Variants in WWOX observed in about 807,000 individuals in gnomAD.
WWOX encodes the protein WW domain containing oxidoreductase, also known as WW domain-containing oxidoreductase.
In WWOX, 69 loss-of-function variants were observed where a neutral mutation model predicts 46.2. The ratio of observed to expected loss-of-function variants is 1.49; its 90% CI spans 1.23 to 1.82. The LOEUF (loss-of-function observed/expected upper bound fraction) is 1.82, where lower values mean the gene tolerates loss of function less well. Ranked by LOEUF, WWOX falls within the 40% of genes most tolerant of loss-of-function variation. The probability of loss-of-function intolerance (pLI) is 0.00; values close to 1 mark genes in which losing one functional copy is unlikely to be tolerated. For missense variants in WWOX, 919 were observed against 542.6 expected, an observed-to-expected ratio of 1.69 and a Z score of -6.89; for synonymous variants, 359 against 202.6, an observed-to-expected ratio of 1.77 and a Z score of -6.56.
intron 8 of WWOX, chr16:78,895,711 A>G (rs1401016446): frequency 6.6e-6 from 1 of 152,224 alleles, no homozygotes; most frequent in African/African-American, 2.4e-5. Context: ...CAAAAAGTTC[A>G]TTGGTCAAAT....
chr16:79,069,727 C>T (rs1459492732), intron 8 of WWOX, among the ~76,000 whole-genome samples: 4 of 151,994 alleles, frequency 2.6e-5, no homozygotes, highest in African/African-American at 9.7e-5. Flanking sequence ...GTGTGGTCAC[C>T]ATAGATGGCC....
At chr16:78,622,235 C>T (rs1021999454) in intron 8 of WWOX, among the ~76,000 whole-genome samples, 2 of 152,126 alleles carry the variant, frequency 1.3e-5, no homozygotes, top group Non-Finnish European at 2.9e-5. Context: ...AATTCTGACC[C>T]TACTCTGATA....
chr16:78,757,507 C>G (rs2049684405), intron 8 of WWOX, among the ~76,000 whole-genome samples: 2 of 152,106 alleles, frequency 1.3e-5, no homozygotes, highest in African/African-American at 4.8e-5. Context: ...CTTGTTGAGA[C>G]AGCTAAATTT....
chr16:78,986,519 T>TA (rs1267596331), intron 8 of WWOX, among the ~76,000 whole-genome samples: 2 of 152,210 alleles, frequency 1.3e-5, no homozygotes, highest in African/African-American at 2.4e-5. Context: ...GGATTTCATG[T>TA]AAGTAACCTG....
chr16:79,026,597 C>G (rs2047647203), intron 8 of WWOX, among the ~76,000 whole-genome samples: 1 of 148,802 alleles, frequency 6.7e-6, no homozygotes, highest in Admixed American at 6.7e-5. Flanking sequence ...AACACAGAGC[C>G]TGGCATGTGG....
At chr16:78,113,250 T>A (rs11645081) in intron 3 of WWOX, among the ~76,000 whole-genome samples, 1 of 152,200 alleles carries the variant, frequency 6.6e-6, no homozygotes, top group Admixed American at 6.5e-5. Flanking sequence ...ATCTGCGCTC[T>A]AATAGTCATC....
intron 8 of WWOX, among the ~76,000 whole-genome samples, chr16:78,857,861 A>G (rs2052602873): frequency 6.6e-6 from 1 of 152,248 alleles, no homozygotes; most frequent in Admixed American, 6.5e-5. Context: ...TTTGACCGAA[A>G]TTAAACACAT....
chr16:78,285,399 A>G (rs1259012443), intron 5 of WWOX, among the ~76,000 whole-genome samples: 1 of 151,944 alleles, frequency 6.6e-6, no homozygotes, highest in Non-Finnish European at 1.5e-5. Context: ...GAGCCACTGT[A>G]CTCCAGCTGG....
chr16:78,275,298 C>A (rs1390482861), intron 5 of WWOX, among the ~76,000 whole-genome samples: 1 of 152,182 alleles, frequency 6.6e-6, no homozygotes, highest in Non-Finnish European at 1.5e-5. Context: ...CACCTTTGCT[C>A]CCACATTTCC....
At chr16:78,226,482 TTCCC>T (rs56126537) in intron 5 of WWOX, among the ~76,000 whole-genome samples, 75 of 134,218 alleles carry the variant, frequency 5.6e-4, no homozygotes, top group East Asian at 3.2e-3. Context: ...CTGTCCTGTC[TTCCC>T]TCCCTCCCTC....
intron 4 of WWOX, among the ~76,000 whole-genome samples, chr16:78,118,478 A>G (rs1278921210): frequency 6.6e-6 from 1 of 152,080 alleles, no homozygotes; most frequent in African/African-American, 2.4e-5. Context: ...CTCTGGGCTA[A>G]CTCTGACCCA....
chr16:78,333,639 ACTT>A (rs2080815830), intron 5 of WWOX, among the ~76,000 whole-genome samples: 1 of 152,198 alleles, frequency 6.6e-6, no homozygotes, highest in African/African-American at 2.4e-5. Flanking sequence ...ATATAGGAGT[ACTT>A]CATTAAGTCT....
intron 8 of WWOX, among the ~76,000 whole-genome samples, chr16:78,672,780 G>T (rs917627021): frequency 2.0e-5 from 3 of 152,220 alleles, no homozygotes; most frequent in South Asian, 4.1e-4. Flanking sequence ...ATTATGGCCT[G>T]ACAGCTCTTG....
chr16:78,494,790 CT>C (rs1469998121), intron 8 of WWOX, among the ~76,000 whole-genome samples: 1 of 152,196 alleles, frequency 6.6e-6, no homozygotes, highest in African/African-American at 2.4e-5. Flanking sequence ...TATGGTATGG[CT>C]TTTCCTGTAA....
At chr16:78,868,057 C>T (rs893630733) in intron 8 of WWOX, among the ~76,000 whole-genome samples, 2 of 152,116 alleles carry the variant, frequency 1.3e-5, no homozygotes, top group Non-Finnish European at 2.9e-5. Context: ...AAAATAAATG[C>T]TTATACAAAG....
In WWOX at chr16:78,998,638, T is replaced by C. The variant is rs2047035653; in HGVS notation, c.1057-212970T>C. ...AATAGGTGTAATAGTAAAAATTAGATGACTTTGATGTGTGTAGGTAAGCGG... is the reference window on the plus strand; with the variant it reads ...AATAGGTGTAATAGTAAAAATTAGACGACTTTGATGTGTGTAGGTAAGCGG... On this transcript the variant is annotated intron_variant, in intron 8 of 8. Coordinates refer to ENST00000566780, the MANE Select transcript of WWOX (RefSeq NM_016373.4). 2.6e-5 allele frequency among the ~76,000 whole-genome samples: 4 copies of C among 152,334 alleles called. No homozygotes were observed. The South Asian group carries it at 8.3e-4, about 32-fold the overall frequency.
intron 5 of WWOX, among the ~76,000 whole-genome samples, chr16:78,292,051 G>C (rs1023255628): frequency 6.6e-6 from 1 of 150,732 alleles, no homozygotes; most frequent in African/African-American, 2.4e-5. Flanking sequence ...ATGAGATGAG[G>C]ATGATTTTTA....
chr16:78,937,235 A>G (rs2045756618), intron 8 of WWOX, among the ~76,000 whole-genome samples: 1 of 152,092 alleles, frequency 6.6e-6, no homozygotes, highest in East Asian at 1.9e-4. Context: ...TTTTAATAGT[A>G]TTTCAAATTT....
intron 5 of WWOX, among the ~76,000 whole-genome samples, chr16:78,322,722 T>C (rs550727945): frequency 6.6e-6 from 1 of 152,356 alleles, no homozygotes; most frequent in Non-Finnish European, 1.5e-5. Flanking sequence ...GCAAACATTT[T>C]CTGTAAGGGA....
Sources: allele counts gnomAD v4.1 joint callset (sites outside exome capture counted in the v4.1 genomes callset), GRCh38; gene constraint gnomAD v4.1.1; transcripts MANE v1.5; gene names NCBI Gene and HGNC (gene_info 2026-07-23, HGNC 2026-07-21).